C10orf67: variants seen among roughly 807,000 people sequenced by gnomAD.
The protein encoded by C10orf67 is chromosome 10 open reading frame 67, also known as uncharacterized protein C10orf67, mitochondrial.
A neutral mutation model predicts 35.6 loss-of-function variants in C10orf67; 60 were observed. That is an observed-to-expected ratio of 1.68 (90% CI 1.37 to 2.09). The LOEUF is 2.09. Ranked by LOEUF, C10orf67 falls within the 30% of genes most tolerant of loss-of-function variation. The pLI is 0.00. For synonymous variants in C10orf67, 167 were observed against 115.8 expected (o/e 1.44, Z -2.84); for missense variants, 474 against 330.2 (o/e 1.44, Z -3.38).
At chr10:23,314,061 G>A (rs1367859947) in intron 4 of C10orf67, among the ~76,000 whole-genome samples, 3 of 152,048 alleles carry the variant, frequency 2.0e-5, no homozygotes, top group Middle Eastern at 3.2e-3. Flanking sequence ...GGTGGCTCAC[G>A]CCTATAATCT....
intron 10 of C10orf67, among the ~76,000 whole-genome samples, chr10:23,257,599 T>A (rs1469208064): frequency 6.6e-6 from 1 of 152,232 alleles, no homozygotes; most frequent in East Asian, 1.9e-4. Flanking sequence ...GCTCGGGAGT[T>A]CGAGAACAGC....
intron 1 of C10orf67, chr10:23,344,225 G>T (rs531374355): frequency 6.0e-4 from 169 of 282,558 alleles, no homozygotes; most frequent in African/African-American, 4.3e-3. Context: ...TTGGGGATGG[G>T]GGGGAAGGGG....
intron 7 of C10orf67, 24 bp downstream of exon 7, chr10:23,289,876 T>G: frequency 1.4e-6 from 1 of 714,792 alleles, no homozygotes; most frequent in Non-Finnish European, 2.6e-6. Context: ...AAGAGTCATT[T>G]ATCAACGTAA....
At chr10:23,263,513 TG>T (rs1842805322) in intron 10 of C10orf67, among the ~76,000 whole-genome samples, 1 of 152,240 alleles carries the variant, frequency 6.6e-6, no homozygotes, top group South Asian at 2.1e-4. Flanking sequence ...GAGTTTTTAT[TG>T]AAGTCTTTTA....
At chr10:23,314,483 AACACACAC>A (rs56043614) in intron 4 of C10orf67, among the ~76,000 whole-genome samples, 3,704 of 135,812 alleles carry the variant, frequency 0.027, 132 homozygotes, top group African/African-American at 0.085. Flanking sequence ...ATTAAGTTAA[AACACACAC>A]ACACACACAC....
chr10:23,292,311 AACTTTAT>A (rs1419380942), intron 5 of C10orf67, among the ~76,000 whole-genome samples: 6 of 151,840 alleles, frequency 4.0e-5, no homozygotes, highest in African/African-American at 1.5e-4. Context: ...GCTGGTGCAG[AACTTTAT>A]ACTTTATTGT....
intron 12 of C10orf67, among the ~76,000 whole-genome samples, chr10:23,245,130 T>C (rs1380872543): frequency 6.6e-6 from 1 of 152,120 alleles, no homozygotes; most frequent in Non-Finnish European, 1.5e-5. Context: ...CTTCAATAAA[T>C]GATGTTGAAG....
intron 7 of C10orf67, among the ~76,000 whole-genome samples, chr10:23,286,642 A>G (rs993679361): frequency 6.9e-6 from 1 of 144,062 alleles, no homozygotes; most frequent in South Asian, 2.3e-4. Context: ...GGGAGGGAGG[A>G]AAGGAGGGAG....
At chr10:23,290,955 A>T (rs1478598298) in intron 6 of C10orf67, among the ~76,000 whole-genome samples, 177 bp downstream of exon 6, 1 of 152,192 alleles carries the variant, frequency 6.6e-6, no homozygotes, top group Non-Finnish European at 1.5e-5. Flanking sequence ...CTACAAACAC[A>T]TCCTCTGTCC....
chr10:23,212,800 AGAG>A (rs1426719527), intron 15 of C10orf67, among the ~76,000 whole-genome samples: 1 of 151,464 alleles, frequency 6.6e-6, no homozygotes, highest in Non-Finnish European at 1.5e-5. Context: ...AGAGAGAGAG[AGAG>A]AGAGAGAGAG....
chr10:23,222,344 G>A (rs1841606751), intron 15 of C10orf67, among the ~76,000 whole-genome samples: 1 of 152,132 alleles, frequency 6.6e-6, no homozygotes, highest in African/African-American at 2.4e-5. Context: ...TTTAGGGAAT[G>A]GAACTCTATG....
At chr10:23,305,985 A>ACT (rs1177187573) in intron 4 of C10orf67, among the ~76,000 whole-genome samples, 15 of 151,172 alleles carry the variant, frequency 9.9e-5, no homozygotes, top group African/African-American at 2.7e-4. Flanking sequence ...ACACACACAC[A>ACT]CTCTCTCTCT....
chr10:23,299,065 G>C (rs1843985972), intron 5 of C10orf67, among the ~76,000 whole-genome samples: 1 of 152,176 alleles, frequency 6.6e-6, no homozygotes, highest in Non-Finnish European at 1.5e-5. Context: ...GTATCCTTAA[G>C]GTCCAGGACT....
intron 10 of C10orf67, among the ~76,000 whole-genome samples, chr10:23,254,148 T>A (rs1388940435): frequency 4.6e-5 from 7 of 152,194 alleles, no homozygotes; most frequent in Non-Finnish European, 1.0e-4. Context: ...ACTTCCTAAG[T>A]AGGAAAACAC....
intron 9 of C10orf67, 138 bp from the exon 10 acceptor site, chr10:23,266,564 C>T (rs547386277): frequency 9.3e-5 from 37 of 395,870 alleles, no homozygotes; most frequent in Middle Eastern, 6.3e-4. Flanking sequence ...TGGATTTGTT[C>T]TTGCTCCCAG....
chr10:23,227,016 G>A (rs1437384564), intron 13 of C10orf67, among the ~76,000 whole-genome samples: 2 of 152,180 alleles, frequency 1.3e-5, no homozygotes, highest in African/African-American at 4.8e-5. Context: ...GAGGTTCAAG[G>A]AGGAGCTGGA....
At chr10:23,328,238 C>G (rs1318963205) in intron 2 of C10orf67, among the ~76,000 whole-genome samples, 1 of 152,094 alleles carries the variant, frequency 6.6e-6, no homozygotes, top group Admixed American at 6.6e-5. Flanking sequence ...CATGGTTCTT[C>G]TTTACTGATG....
chr10:23,325,988 TA>T (rs1231525280), intron 2 of C10orf67, among the ~76,000 whole-genome samples: 3 of 151,970 alleles, frequency 2.0e-5, no homozygotes, highest in Admixed American at 1.3e-4. Context: ...GATGTATCAA[TA>T]AAAAATAGAA....
chr10:23,219,113 A>G (rs1841508526), intron 15 of C10orf67, among the ~76,000 whole-genome samples: 1 of 152,232 alleles, frequency 6.6e-6, no homozygotes, highest in African/African-American at 2.4e-5. Flanking sequence ...GGGTAAAAAG[A>G]AAGATTTTAA....
Sources: gnomAD v4.1 joint callset for allele counts (sites outside exome capture counted in the v4.1 genomes callset) on GRCh38, gnomAD v4.1.1 for gene constraint, MANE v1.5 for transcripts, NCBI Gene and HGNC (gene_info 2026-07-23, HGNC 2026-07-21) for gene names.